Variants in NELL2 observed in about 807,000 individuals in gnomAD.
The protein encoded by NELL2 is neural EGFL like 2.
Under a neutral mutation model 109.6 loss-of-function variants are expected in NELL2, and 41 were observed. The observed-to-expected ratio is 0.37, with a 90% CI of 0.29 to 0.49. The LOEUF is 0.49. Among genes scored for constraint, NELL2 ranks in the 20% least tolerant of loss-of-function variants. NELL2 has a pLI of 0.98. For missense variants in NELL2, 900 were observed against 1,008.3 expected (o/e 0.89, Z 1.45); for synonymous variants, 355 against 344.7 (o/e 1.03, Z -0.33).
At chr12:44,862,572 G>A (rs1451181445) in intron 2 of NELL2, among the ~76,000 whole-genome samples, 1 of 152,012 alleles carries the variant, frequency 6.6e-6, no homozygotes, top group East Asian at 1.9e-4. Context: ...TTTTCACATT[G>A]AAAATCAGTC....
rs368864892 is a variant in NELL2 at position 44,779,659 on chromosome 12, A to T, written c.606+4T>A. The T allele has an allele frequency of 1.9e-6, 3 of 1,610,648 alleles. No individual in the cohort carries two copies. Among genetic ancestry groups the T allele is most frequent in the East Asian group, 4.5e-5 (2 of 44,856 alleles). The stretch of plus-strand genomic sequence containing the variant: ...TTCATTCTCAGACTTTTGCCAAAAG[A>T]TACCTTAAAATATCCATGCGCATTA... On this transcript the variant is annotated splice_donor_region_variant and intron_variant, in intron 5 of 19. Coordinates refer to ENST00000429094, the MANE Select transcript of NELL2 (RefSeq NM_001145108.2).
At chr12:44,536,781 T>G (rs1942309045) in intron 15 of NELL2, among the ~76,000 whole-genome samples, 1 of 151,836 alleles carries the variant, frequency 6.6e-6, no homozygotes, top group Non-Finnish European at 1.5e-5. Context: ...TTTAGAACAG[T>G]CAGCTAGCAA....
At chr12:44,586,054 T>C (rs939867317) in intron 15 of NELL2, among the ~76,000 whole-genome samples, 2 of 151,916 alleles carry the variant, frequency 1.3e-5, no homozygotes, top group African/African-American at 2.4e-5. Context: ...TGCTATTTAC[T>C]ACTTACTACA....
rs541346791 is a variant in NELL2 at position 44,786,542 on chromosome 12, T to C, written c.336-6520A>G. 3.3e-5 allele frequency among the ~76,000 whole-genome samples: 5 copies of C among 152,148 alleles called. No individual in the cohort carries two copies. The East Asian group carries it at 9.6e-4, about 29-fold the overall frequency. ...CATTACTGGTTATATACCCAAAGGA[T>C]TATAAAGCATTCTACTATAAAGACA... is the stretch of plus-strand genomic sequence containing the variant. On this transcript the variant is annotated intron_variant, in intron 3 of 19. Coordinates refer to ENST00000429094, the MANE Select transcript of NELL2 (RefSeq NM_001145108.2).
chr12:44,641,493 C>T (rs1946852209), intron 13 of NELL2, among the ~76,000 whole-genome samples: 2 of 151,804 alleles, frequency 1.3e-5, no homozygotes, highest in Non-Finnish European at 2.9e-5. Flanking sequence ...GATCAAAATG[C>T]CTCTGCTAGT....
chr12:44,646,694 A>C (rs1300387523), intron 13 of NELL2, among the ~76,000 whole-genome samples: 1 of 152,216 alleles, frequency 6.6e-6, no homozygotes, highest in Non-Finnish European at 1.5e-5. Flanking sequence ...AGAGGGGACT[A>C]CTGTACTGCC....
At position 44,529,304 on chromosome 12, in the gene NELL2, C is replaced by T. The variant is rs1452262; in HGVS notation, c.1804+3277G>A. Reference sequence around the variant, plus strand: ...GATATGAGGAAAAGAAGGAAGGAAACAATGACTCTAAGATGTAGTTCTGGG... The same window carrying T: ...GATATGAGGAAAAGAAGGAAGGAAATAATGACTCTAAGATGTAGTTCTGGG... On this transcript the variant is annotated intron_variant, in intron 16 of 19. Transcript: ENST00000429094. Among the ~76,000 whole-genome samples the T allele has an allele frequency of 9.6e-3, 1,466 of 152,186 alleles. 96 individuals are homozygous for T. The highest frequency in any genetic ancestry group is 0.085 in the Admixed American group (1,298 of 15,282).
chr12:44,803,271 T>C (rs968338105), intron 3 of NELL2, among the ~76,000 whole-genome samples: 1 of 152,022 alleles, frequency 6.6e-6, no homozygotes, highest in African/African-American at 2.4e-5. Context: ...GCAACATGTG[T>C]TCTTGGCTAG....
chr12:44,725,757 C>T (rs903836535), intron 9 of NELL2, among the ~76,000 whole-genome samples: 6 of 152,072 alleles, frequency 3.9e-5, no homozygotes, highest in African/African-American at 1.4e-4. Context: ...GAACAGAAAA[C>T]CAAATACCAC....
At chr12:44,755,372 G>A (rs901507292) in intron 9 of NELL2, among the ~76,000 whole-genome samples, 2 of 151,788 alleles carry the variant, frequency 1.3e-5, no homozygotes, top group Admixed American at 1.3e-4. Context: ...ATACACACAC[G>A]CACATGCACA....
intron 9 of NELL2, among the ~76,000 whole-genome samples, chr12:44,737,087 C>A (rs1211130805): frequency 1.3e-5 from 2 of 151,752 alleles, no homozygotes; most frequent in Non-Finnish European, 2.9e-5. Flanking sequence ...TAATATTTTT[C>A]TATTTTGTAA....
intron 3 of NELL2, among the ~76,000 whole-genome samples, chr12:44,791,222 ATAT>A (rs1332080166): frequency 7.2e-5 from 7 of 96,790 alleles, no homozygotes; most frequent in Non-Finnish European, 1.5e-4. Context: ...ATATATATAT[ATAT>A]ATGATGGAAT....
At chr12:44,678,045 T>C (rs184957127) in intron 12 of NELL2, among the ~76,000 whole-genome samples, 72 of 152,170 alleles carry the variant, frequency 4.7e-4, no homozygotes, top group African/African-American at 1.5e-3. Flanking sequence ...TGTTAGACAG[T>C]ATCACACAGG....
At chr12:44,664,129 TTTA>T (rs1159222466) in intron 13 of NELL2, among the ~76,000 whole-genome samples, 3 of 152,226 alleles carry the variant, frequency 2.0e-5, no homozygotes, top group Middle Eastern at 6.8e-3. Context: ...ATTCCTTTTA[TTTA>T]TTATAATTTG....
chr12:44,776,033 A>G lies in NELL2; in HGVS notation c.880T>C (p.Cys294Arg), dbSNP rs778830197. The G allele has an allele frequency of 1.9e-6, 3 of 1,613,746 alleles. No individual in the cohort carries two copies. In the South Asian group the frequency reaches 3.3e-5, roughly 18 times the overall value. ...FESWIDGCKN[C>R]TCLNGTIQCE... Reference sequence around the variant, plus strand: ...AATAGAAGCCATACCAGGCATGTGCAGTTCTTACAGCCGTCTATCCAGGAC... The same window carrying G: ...AATAGAAGCCATACCAGGCATGTGCGGTTCTTACAGCCGTCTATCCAGGAC... The change falls in exon 8 of 20, where the codon TGC becomes CGC. Residue 294 changes from cysteine (C) to arginine (R), a missense_variant. By Grantham distance (180) the Cys-to-Arg change is radical. This residue lies in a region of NELL2 where 292 missense variants were observed against 265.3 expected (regional missense o/e 1.10). Transcript: ENST00000429094.
intron 1 of NELL2, among the ~76,000 whole-genome samples, chr12:44,899,632 A>G (rs1272304015): frequency 1.3e-5 from 2 of 152,210 alleles, no homozygotes; most frequent in Non-Finnish European, 2.9e-5. Context: ...ATGGAAAGGA[A>G]AAACTGGTAC....
chr12:44,676,563 CA>C (rs1338997481), intron 12 of NELL2, among the ~76,000 whole-genome samples: 13 of 152,042 alleles, frequency 8.6e-5, no homozygotes, highest in Admixed American at 3.3e-4. Context: ...CTTGACATCT[CA>C]AAATAATGGC....
intron 3 of NELL2, among the ~76,000 whole-genome samples, chr12:44,795,585 G>A (rs1942590822): frequency 6.6e-5 from 10 of 152,130 alleles, no homozygotes; most frequent in Admixed American, 5.9e-4. Context: ...CTGATTCTGT[G>A]AATAACGAGC....
intron 16 of NELL2, 153 bp from the exon 17 acceptor site, chr12:44,523,637 G>C (rs989850443): frequency 3.2e-6 from 2 of 627,224 alleles, no homozygotes; most frequent in African/African-American, 3.7e-5. Context: ...GTTGACTAAA[G>C]CAATGTTAAT....
Sources: gnomAD v4.1 joint callset for allele counts (sites outside exome capture counted in the v4.1 genomes callset) on GRCh38, gnomAD v4.1.1 for gene constraint, gnomAD v4.1.1 regional missense constraint, MANE v1.5 for transcripts, NCBI Gene and HGNC (gene_info 2026-07-23, HGNC 2026-07-21) for gene names.